Variants in SAXO1 observed in about 807,000 individuals in gnomAD.
SAXO1 encodes 4930500O09Rik.
Under a neutral mutation model 17.5 loss-of-function variants are expected in SAXO1, and 21 were observed. That is an observed-to-expected ratio of 1.20 (90% CI 0.85 to 1.72). SAXO1 has a LOEUF of 1.72. SAXO1 is among the 40% of genes most tolerant of loss of function. The pLI is 0.00. For synonymous variants in SAXO1, 274 were observed against 216.5 expected (o/e 1.27, Z -2.33); for missense variants, 843 against 596.0 (o/e 1.41, Z -4.32).
chr9:18,981,251 A>C (rs1432019046), intron 1 of SAXO1, among the ~76,000 whole-genome samples: 1 of 152,012 alleles, frequency 6.6e-6, no homozygotes, highest in African/African-American at 2.4e-5. Flanking sequence ...GCCCCTACCC[A>C]CCCCCACTCT....
chr9:19,013,035 C>A (rs1349288347), intron 1 of SAXO1, among the ~76,000 whole-genome samples: 1 of 152,170 alleles, frequency 6.6e-6, no homozygotes, highest in African/African-American at 2.4e-5. Flanking sequence ...CAACCTCCAC[C>A]TAGGCTGAAG....
intron 1 of SAXO1, among the ~76,000 whole-genome samples, chr9:18,992,953 A>T (rs147795872): frequency 2.8e-4 from 42 of 152,012 alleles, no homozygotes; most frequent in African/African-American, 8.9e-4. Flanking sequence ...AGCATGCACC[A>T]CCACACCCAG....
intron 1 of SAXO1, among the ~76,000 whole-genome samples, chr9:18,971,940 T>TAATC (rs3085496): frequency 0.99 from 150,128 of 152,288 alleles, 73,995 homozygotes; most frequent in East Asian, 1. Flanking sequence ...GATTCACTAA[T>TAATC]AATAACAAAA....
intron 1 of SAXO1, among the ~76,000 whole-genome samples, chr9:19,031,937 T>C (rs374025316): frequency 1.3e-5 from 2 of 152,292 alleles, no homozygotes; most frequent in African/African-American, 2.4e-5. Context: ...GCATGTGTCA[T>C]ATTTGCCCTT....
intron 1 of SAXO1, among the ~76,000 whole-genome samples, chr9:18,969,999 T>C (rs1030616220): frequency 6.6e-6 from 1 of 152,192 alleles, no homozygotes; most frequent in Admixed American, 6.5e-5. Flanking sequence ...CAAGTTGATG[T>C]CTCAGACTAT....
At chr9:18,960,267 G>A (rs1457169969) in intron 1 of SAXO1, among the ~76,000 whole-genome samples, 1 of 152,164 alleles carries the variant, frequency 6.6e-6, no homozygotes, top group African/African-American at 2.4e-5. Context: ...ACCTCAGAGG[G>A]AGACACAGAA....
At chr9:18,968,006 C>T (rs1457128095) in intron 1 of SAXO1, among the ~76,000 whole-genome samples, 1 of 152,154 alleles carries the variant, frequency 6.6e-6, no homozygotes, top group Non-Finnish European at 1.5e-5. Flanking sequence ...TGAGGGAGTT[C>T]CCCAACCCCT....
chr9:18,935,763 T>C (rs1027454474), intron 3 of SAXO1, among the ~76,000 whole-genome samples: 2 of 152,230 alleles, frequency 1.3e-5, no homozygotes, highest in Non-Finnish European at 2.9e-5. Context: ...AACTCAGAAG[T>C]TGTCTTCCCT....
upstream of SAXO1, among the ~76,000 whole-genome samples, chr9:19,035,072 C>A (rs1004454965): frequency 3.3e-5 from 5 of 152,178 alleles, no homozygotes; most frequent in African/African-American, 9.7e-5. Flanking sequence ...CAGTGCTAGA[C>A]AGTAGGGACA....
intron 1 of SAXO1, 72 bp from the exon 2 acceptor site, chr9:18,951,009 G>A (rs917765641): frequency 8.0e-5 from 114 of 1,421,070 alleles, no homozygotes; most frequent in Middle Eastern, 7.8e-4. Flanking sequence ...GAGTACTTCC[G>A]CCAAATGTGA....
intron 1 of SAXO1, among the ~76,000 whole-genome samples, chr9:18,982,590 G>C (rs1334491616): frequency 6.6e-6 from 1 of 152,192 alleles, no homozygotes; most frequent in Non-Finnish European, 1.5e-5. Flanking sequence ...TTTCCTTCTG[G>C]TGACTTTGTA....
chr9:19,021,685 G>C lies in SAXO1; in HGVS notation c.38+11186C>G, dbSNP rs146523185. Among the ~76,000 whole-genome samples, 243 of 152,352 alleles carry C rather than the reference G, an allele frequency of 1.6e-3. 7 individuals are homozygous for C. In the East Asian group the frequency reaches 0.033, roughly 21 times the overall value. On this transcript the variant is annotated intron_variant, in intron 1 of 3. Coordinates refer to ENST00000380534, the MANE Select transcript of SAXO1 (RefSeq NM_153707.4). Reference sequence around the variant, plus strand: ...CCCAACAGTCATAGTGAGAGGTGAAGCCAGCTGAGCTTCTGGGTCAGGTGG... The same window carrying C: ...CCCAACAGTCATAGTGAGAGGTGAACCCAGCTGAGCTTCTGGGTCAGGTGG...
intron 1 of SAXO1, among the ~76,000 whole-genome samples, chr9:19,031,429 G>A (rs1028564991): frequency 6.6e-6 from 1 of 152,198 alleles, no homozygotes; most frequent in East Asian, 1.9e-4. Context: ...AGGCATGGTG[G>A]CATGTGCCTG....
intron 1 of SAXO1, among the ~76,000 whole-genome samples, chr9:18,967,950 G>A (rs1387397764): frequency 3.9e-5 from 6 of 152,188 alleles, no homozygotes; most frequent in African/African-American, 9.6e-5. Flanking sequence ...GGGCCAGATA[G>A]CACTGTCCTT....
chr9:18,949,859 C>T (rs1831957931), intron 2 of SAXO1, among the ~76,000 whole-genome samples: 1 of 152,230 alleles, frequency 6.6e-6, no homozygotes, highest in South Asian at 2.1e-4. Context: ...TGTGCTGGAA[C>T]AGTCAACATT....
intron 1 of SAXO1, among the ~76,000 whole-genome samples, chr9:19,011,616 T>C (rs1400617299): frequency 6.6e-6 from 1 of 152,156 alleles, no homozygotes; most frequent in Non-Finnish European, 1.5e-5. Context: ...TTTGGATAGA[T>C]GGGTAGATAC....
At chr9:18,932,113 A>C (rs1831079597) in intron 3 of SAXO1, among the ~76,000 whole-genome samples, 1 of 152,160 alleles carries the variant, frequency 6.6e-6, no homozygotes, top group Non-Finnish European at 1.5e-5. Context: ...GCCATGTCTA[A>C]ATTCTTTGCC....
intron 1 of SAXO1, among the ~76,000 whole-genome samples, chr9:19,009,826 GTTTTC>G (rs1339208815): frequency 8.9e-6 from 1 of 112,214 alleles, no homozygotes; most frequent in Admixed American, 9.2e-5. Flanking sequence ...AAGTTTTGGG[GTTTTC>G]TTTTTTTTTT....
At chr9:19,025,034 C>T (rs554648328) in intron 1 of SAXO1, among the ~76,000 whole-genome samples, 1 of 152,074 alleles carries the variant, frequency 6.6e-6, no homozygotes, top group African/African-American at 2.4e-5. Flanking sequence ...TGACATATAC[C>T]CACTTGTACT....
Sources: allele counts gnomAD v4.1 joint callset (sites outside exome capture counted in the v4.1 genomes callset), GRCh38; gene constraint gnomAD v4.1.1; transcripts MANE v1.5; gene names NCBI Gene and HGNC (gene_info 2026-07-23, HGNC 2026-07-21).